SSBP2: variants seen among roughly 807,000 people sequenced by gnomAD.
SSBP2 encodes single stranded DNA binding protein 2.
SSBP2 carries 17 observed loss-of-function variants against 61.8 expected under a neutral mutation model. The ratio of observed to expected loss-of-function variants is 0.28; its 90% CI spans 0.19 to 0.41. The LOEUF (loss-of-function observed/expected upper bound fraction) is 0.41. Ranked by LOEUF, SSBP2 falls within the 10% of genes least tolerant of loss-of-function variation. The pLI, the probability that SSBP2 is intolerant of heterozygous loss-of-function variation, is 1.00. For missense variants in SSBP2, 310 were observed against 458.7 expected, an observed-to-expected ratio of 0.68 and a Z score of 2.96; for synonymous variants, 139 against 141.3, an observed-to-expected ratio of 0.98 and a Z score of 0.12.
chr5:81,482,791 T>C (rs950968518), intron 6 of SSBP2, among the ~76,000 whole-genome samples: 2 of 152,234 alleles, frequency 1.3e-5, no homozygotes, highest in African/African-American at 4.8e-5. Context: ...TTTAATTCTT[T>C]CAAGAACTTT....
At chr5:81,478,646 T>G (rs1287202849) in intron 6 of SSBP2, among the ~76,000 whole-genome samples, 1 of 152,154 alleles carries the variant, frequency 6.6e-6, no homozygotes, top group Non-Finnish European at 1.5e-5. Context: ...CTATTTTTAT[T>G]TTTTTATACA....
chr5:81,433,533 A>C (rs1048809263), intron 15 of SSBP2, among the ~76,000 whole-genome samples: 1 of 147,628 alleles, frequency 6.8e-6, no homozygotes, highest in Admixed American at 6.8e-5. Context: ...CCTTCCCTCC[A>C]CTATTGTCCT....
At chr5:81,723,935 C>G (rs1755708972) in intron 1 of SSBP2, among the ~76,000 whole-genome samples, 1 of 151,968 alleles carries the variant, frequency 6.6e-6, no homozygotes, top group Admixed American at 6.6e-5. Flanking sequence ...TTCTATGCTT[C>G]TTTGCTGAGG....
intron 8 of SSBP2, among the ~76,000 whole-genome samples, chr5:81,473,299 TTACATAGGTATATG>T (rs1765371062): frequency 1.3e-5 from 2 of 152,214 alleles, no homozygotes; most frequent in South Asian, 4.1e-4. Context: ...TGTAGGTTTG[TTACATAGGTATATG>T]TACGCCATGG....
At chr5:81,514,934 T>C (rs564162841) in intron 4 of SSBP2, among the ~76,000 whole-genome samples, 35 of 152,136 alleles carry the variant, frequency 2.3e-4, no homozygotes, top group African/African-American at 8.2e-4. Flanking sequence ...TGATAAGGCA[T>C]ATGAATATAA....
chr5:81,487,124 TG>T (rs1390875176), intron 6 of SSBP2, among the ~76,000 whole-genome samples: 1 of 152,176 alleles, frequency 6.6e-6, no homozygotes, highest in South Asian at 2.1e-4. Flanking sequence ...GAGAACTTAT[TG>T]TAATAACATG....
At chr5:81,523,581 C>A (rs995176205) in intron 4 of SSBP2, among the ~76,000 whole-genome samples, 2 of 151,984 alleles carry the variant, frequency 1.3e-5, no homozygotes, top group Non-Finnish European at 2.9e-5. Context: ...AGTTAAATAG[C>A]ATAAAAACTT....
intron 2 of SSBP2, among the ~76,000 whole-genome samples, chr5:81,643,595 C>CTTTTTTTTTTTTTTTTTTTTTTTTTT (rs368511957): frequency 1.7e-5 from 1 of 60,272 alleles, no homozygotes; most frequent in Non-Finnish European, 3.0e-5. Flanking sequence ...TTTTTCCTTT[C>CTTTTTTTTTTTTTTTTTTTTTTTTTT]TTTTTTTTTT....
At chr5:81,439,525 T>TG (rs1240984061) in intron 14 of SSBP2, among the ~76,000 whole-genome samples, 1 of 150,064 alleles carries the variant, frequency 6.7e-6, no homozygotes, top group Non-Finnish European at 1.5e-5. Context: ...TTTTTTGAGA[T>TG]GGAGTTTTGC....
At chr5:81,684,612 GT>G (rs1291642318) in intron 1 of SSBP2, among the ~76,000 whole-genome samples, 1 of 152,148 alleles carries the variant, frequency 6.6e-6, no homozygotes, top group Non-Finnish European at 1.5e-5. Flanking sequence ...GCCCTACTGG[GT>G]TTTATACATG....
At position 81,702,924 on chromosome 5, in the gene SSBP2, C is replaced by T. The variant is rs978983156; in HGVS notation, c.62+48057G>A. Among the ~76,000 whole-genome samples, 3 of 152,300 alleles carry T rather than the reference C, an allele frequency of 2.0e-5. No homozygotes were observed. The East Asian group carries it at 5.8e-4, about 29-fold the overall frequency. On this transcript the variant is annotated intron_variant, in intron 1 of 16. Coordinates refer to ENST00000320672, the MANE Select transcript of SSBP2 (RefSeq NM_012446.5). ...CTGATTTCTCATGCTGTGGCTCAAT[C>T]TTAATGTACTCAAGCTCCAACAACT...
intron 4 of SSBP2, among the ~76,000 whole-genome samples, chr5:81,570,910 TTCTG>T (rs762583746): frequency 5.4e-4 from 82 of 152,306 alleles, no homozygotes; most frequent in Non-Finnish European, 1.1e-3. Flanking sequence ...TGCCTGAAAC[TTCTG>T]TCTTTTACTC....
intron 1 of SSBP2, among the ~76,000 whole-genome samples, chr5:81,691,414 G>A (rs2153834989): frequency 6.6e-6 from 1 of 152,082 alleles, no homozygotes. Context: ...AGGATTATTA[G>A]TGGCTACTAT....
At chr5:81,541,726 G>T (rs1167861970) in intron 4 of SSBP2, among the ~76,000 whole-genome samples, 1 of 152,148 alleles carries the variant, frequency 6.6e-6, no homozygotes, top group African/African-American at 2.4e-5. Flanking sequence ...ATATGTGGAA[G>T]AATGAAACTG....
At chr5:81,519,456 C>A (rs893208703) in intron 4 of SSBP2, among the ~76,000 whole-genome samples, 1 of 152,116 alleles carries the variant, frequency 6.6e-6, no homozygotes, top group Non-Finnish European at 1.5e-5. Context: ...TTCTACCAGC[C>A]AGGCACATGG....
chr5:81,662,208 G>A (rs1335165508), intron 1 of SSBP2, among the ~76,000 whole-genome samples: 1 of 152,206 alleles, frequency 6.6e-6, no homozygotes, highest in East Asian at 1.9e-4. Context: ...GCTCATGCCT[G>A]TAATCCCAGC....
chr5:81,517,978 T>C (rs1455753517), intron 4 of SSBP2, among the ~76,000 whole-genome samples: 1 of 152,074 alleles, frequency 6.6e-6, no homozygotes, highest in Admixed American at 6.6e-5. Flanking sequence ...AAAATAAAAT[T>C]AGGATGCAAT....
intron 15 of SSBP2, among the ~76,000 whole-genome samples, chr5:81,436,410 T>C (rs537816957): frequency 1.8e-4 from 28 of 152,122 alleles, no homozygotes; most frequent in Non-Finnish European, 3.7e-4. Flanking sequence ...TTTGTAAACA[T>C]GATTGTTTCT....
At chr5:81,501,766 C>T (rs1767804293) in intron 5 of SSBP2, among the ~76,000 whole-genome samples, 1 of 151,812 alleles carries the variant, frequency 6.6e-6, no homozygotes, top group South Asian at 2.1e-4. Context: ...CGGGGTTTCA[C>T]CATGTTAGCC....
Sources: gnomAD v4.1 joint callset for allele counts (sites outside exome capture counted in the v4.1 genomes callset) on GRCh38, gnomAD v4.1.1 for gene constraint, MANE v1.5 for transcripts, NCBI Gene and HGNC (gene_info 2026-07-23, HGNC 2026-07-21) for gene names.